N4BP2: variants seen among roughly 807,000 people sequenced by gnomAD.
N4BP2 encodes the protein NEDD4 binding protein 2.
A neutral mutation model predicts 152.8 loss-of-function variants in N4BP2; 91 were observed. That is an observed-to-expected ratio of 0.60 (90% CI 0.50 to 0.71). The LOEUF is 0.71. Ranked by LOEUF, N4BP2 falls within the 30% of genes least tolerant of loss-of-function variation. N4BP2 has a pLI of 0.00. For synonymous variants in N4BP2, 646 were observed against 705.3 expected (o/e 0.92, Z 1.33); for missense variants, 1,923 against 2,059.1 (o/e 0.93, Z 1.28).
the N4BP2 span, among the ~76,000 whole-genome samples, chr4:40,173,097 C>T: frequency 6.6e-6 from 1 of 152,032 alleles, no homozygotes; most frequent in Non-Finnish European, 1.5e-5. Flanking sequence ...TCTTTGTGGT[C>T]ATCTAACTCT....
chr4:40,089,435 CTTTTTT>C (rs1281842286), intron 2 of N4BP2, among the ~76,000 whole-genome samples: 1 of 111,142 alleles, frequency 9.0e-6, no homozygotes, highest in African/African-American at 3.4e-5. Context: ...TCAGTTTTGC[CTTTTTT>C]TTTTTTTTTT....
At chr4:40,175,362 A>G in the N4BP2 span, among the ~76,000 whole-genome samples, 1 of 151,060 alleles carries the variant, frequency 6.6e-6, no homozygotes, top group Admixed American at 6.6e-5. Context: ...AAAGCCAAAT[A>G]TACAAAGACA....
rs1215809643 is a variant in N4BP2 at position 40,157,812 on chromosome 4, T to C, written c.*3575T>C. On this transcript the variant is annotated 3_prime_UTR_variant, in exon 18 of 18. Coordinates refer to ENST00000261435, the MANE Select transcript of N4BP2 (RefSeq NM_018177.6). ...GTAGAATGTATGTTCATGGTGCTTA[T>C]TTTTAAAATGTAATTCAAGTTTACA... is the stretch of plus-strand genomic sequence containing the variant. 1 of 152,216 alleles carries C rather than the reference T, an allele frequency of 6.6e-6. No individual in the cohort carries two copies. The highest frequency in any genetic ancestry group is 2.4e-5 in the African/African-American group (1 of 41,464). 9.4% of individuals were successfully genotyped at this position (152,216 alleles called of 1,614,324 possible). A position where few individuals can be genotyped will look rare whatever the true frequency, so the allele number is the denominator to read the frequency against.
chr4:40,088,732 T>C (rs1330168989), intron 2 of N4BP2, among the ~76,000 whole-genome samples: 1 of 152,176 alleles, frequency 6.6e-6, no homozygotes, highest in Non-Finnish European at 1.5e-5. Context: ...ATTCCTGACC[T>C]CAGTTGATCT....
At chr4:40,086,726 A>G (rs548285042) in intron 2 of N4BP2, among the ~76,000 whole-genome samples, 1 of 152,040 alleles carries the variant, frequency 6.6e-6, no homozygotes, top group East Asian at 1.9e-4. Flanking sequence ...CTAATTATAT[A>G]TATTATATAG....
intron 4 of N4BP2, among the ~76,000 whole-genome samples, chr4:40,106,241 T>C (rs532516216): frequency 6.6e-6 from 1 of 152,368 alleles, no homozygotes; most frequent in Admixed American, 6.5e-5. Flanking sequence ...CAGATTTTTT[T>C]TGGAATTAAA....
At position 40,056,871 on chromosome 4, in the gene N4BP2, C is replaced by G. The variant is rs545494521; in HGVS notation, c.-371C>G. The G allele has an allele frequency of 4.6e-5, 7 of 152,134 alleles. No individual in the cohort carries two copies. The highest frequency in any genetic ancestry group is 1.7e-4 in the African/African-American group (7 of 41,544). The allele number at this position is 152,134 out of a possible 1,614,324, so 9.4% of individuals were successfully genotyped here. ...CGGCAGTGTCTCCCCGCCGGGCGCG[C>G]TCGCCGTGTCTCCCCCGCGGCCGCA... On this transcript the variant is annotated 5_prime_UTR_variant, in exon 1 of 18. Coordinates refer to ENST00000261435, the MANE Select transcript of N4BP2 (RefSeq NM_018177.6).
downstream of N4BP2, among the ~76,000 whole-genome samples, chr4:40,162,165 A>T (rs2109305375): frequency 6.6e-6 from 1 of 152,258 alleles, no homozygotes; most frequent in African/African-American, 2.4e-5. Context: ...TTCATCAAAG[A>T]TCTGGGAAAT....
At chr4:40,151,529 C>T (rs1721151654) in intron 16 of N4BP2, among the ~76,000 whole-genome samples, 1 of 152,162 alleles carries the variant, frequency 6.6e-6, no homozygotes, top group South Asian at 2.1e-4. Context: ...TCCTTAGCCT[C>T]CCAAAGTGCT....
rs192413653 is a variant in N4BP2, at chr4:40,123,401, T to C, written c.4284+189T>C. ...TTTAACAGATTACTGTCTTTTTTTT[T>C]CTCTCTTTTCAGTAGTTTAAGTATT... On this transcript the variant is annotated intron_variant, in intron 10 of 17. Transcript: ENST00000261435. Among the ~76,000 whole-genome samples the C allele has an allele frequency of 1.9e-3, 293 of 152,196 alleles. 2 individuals carry two copies. The Middle Eastern group carries it at 0.034, about 18-fold the overall frequency.
At chr4:40,147,447 G>C (rs1302324284) in intron 16 of N4BP2, among the ~76,000 whole-genome samples, 1 of 151,912 alleles carries the variant, frequency 6.6e-6, no homozygotes, top group East Asian at 1.9e-4. Context: ...CAGACGGGGT[G>C]GTGGCCGGGC....
At position 40,120,498 on chromosome 4, in the gene N4BP2, C is replaced by T; in HGVS notation, c.2387C>T (p.Thr796Ile). The part of the protein sequence containing the change: ...NFVGDWPVDK[T>I]IGQRTKRNRK... ...GTTGGTGACTGGCCAGTTGATAAGA[C>T]TATTGGTCAGAGGACAAAAAGGAAC... Residue 796 changes from threonine (T) to isoleucine (I), a missense_variant, in exon 9 of 18, where the codon ACT becomes ATT. Physicochemically the swap from Thr to Ile is moderately conservative, Grantham distance 89. Coordinates refer to ENST00000261435, the MANE Select transcript of N4BP2 (RefSeq NM_018177.6). The T allele has an allele frequency of 6.2e-7, 1 of 1,613,708 alleles. No individual in the cohort carries two copies. The highest frequency in any genetic ancestry group is 8.5e-7 in the Non-Finnish European group (1 of 1,179,958).
intron 16 of N4BP2, among the ~76,000 whole-genome samples, chr4:40,149,498 G>A (rs1052744015): frequency 6.6e-6 from 1 of 152,202 alleles, no homozygotes; most frequent in Non-Finnish European, 1.5e-5. Flanking sequence ...GGAATTAGTG[G>A]TGGTGGTTGC....
At chr4:40,126,046 G>T in intron 11 of N4BP2, 88 bp from the exon 12 acceptor site, 1 of 792,014 alleles carries the variant, frequency 1.3e-6, no homozygotes, top group Non-Finnish European at 1.9e-6. Context: ...CTGTTTCCTT[G>T]GTCTCTGAGG....
chr4:40,159,608 G>A (rs962449793), downstream of N4BP2, among the ~76,000 whole-genome samples: 3 of 152,248 alleles, frequency 2.0e-5, no homozygotes, highest in East Asian at 1.9e-4. Flanking sequence ...GGAACCTGCC[G>A]TAGGACACTT....
chr4:40,073,027 A>G (rs1041223457), intron 1 of N4BP2, among the ~76,000 whole-genome samples: 1 of 152,036 alleles, frequency 6.6e-6, no homozygotes, highest in South Asian at 2.1e-4. Context: ...GGCCAGGTCA[A>G]TTTCTTTACC....
At chr4:40,165,872 C>T in the N4BP2 span, among the ~76,000 whole-genome samples, 1 of 152,120 alleles carries the variant, frequency 6.6e-6, no homozygotes, top group Non-Finnish European at 1.5e-5. Flanking sequence ...TCTTATATTC[C>T]GTAGATACCC....
At chr4:40,078,620 G>A (rs1713028963) in intron 2 of N4BP2, among the ~76,000 whole-genome samples, 1 of 151,154 alleles carries the variant, frequency 6.6e-6, no homozygotes, top group Non-Finnish European at 1.5e-5. Flanking sequence ...TGATTTCCTT[G>A]GCTCAACTGA....
chr4:40,165,389 C>G, the N4BP2 span, among the ~76,000 whole-genome samples: 2 of 152,122 alleles, frequency 1.3e-5, no homozygotes, highest in Non-Finnish European at 2.9e-5. Flanking sequence ...GCTAGAACTA[C>G]AGGTGTGCGG....
Sources: allele counts gnomAD v4.1 joint callset (sites outside exome capture counted in the v4.1 genomes callset), GRCh38; gene constraint gnomAD v4.1.1; transcripts MANE v1.5; gene names NCBI Gene and HGNC (gene_info 2026-07-23, HGNC 2026-07-21).